The following PMM2 variants were observed in gnomAD, a reference collection of about 807,000 sequenced individuals.
The protein encoded by PMM2 is mannose-6-phosphate isomerase.
PMM2 carries 35 observed loss-of-function variants against 33.2 expected under a neutral mutation model. The ratio of observed to expected loss-of-function variants is 1.06; its 90% CI spans 0.81 to 1.40. The LOEUF is 1.40. Among genes scored for constraint, PMM2 ranks in the 40% most tolerant of loss-of-function variants. The pLI, the probability that PMM2 is intolerant of heterozygous loss-of-function variation, is 0.00. For synonymous variants in PMM2, 153 were observed against 114.7 expected, an observed-to-expected ratio of 1.33 and a Z score of -2.13; for missense variants, 386 against 306.0, an observed-to-expected ratio of 1.26 and a Z score of -1.95.
chr16:8,799,792 C>T (rs573973267), intron 1 of PMM2, among the ~76,000 whole-genome samples: 29 of 152,058 alleles, frequency 1.9e-4, no homozygotes, highest in Non-Finnish European at 3.1e-4. Flanking sequence ...GTGATCCACC[C>T]GCCTCGGCCT....
rs188796987 is a variant in PMM2 at position 8,825,642 on chromosome 16, T to A, written c.639+12536T>A. 5.9e-5 allele frequency among the ~76,000 whole-genome samples: 9 copies of A among 152,306 alleles called. No individual in the cohort carries two copies. The East Asian group carries it at 1.7e-3, about 29-fold the overall frequency. On this transcript the variant is annotated intron_variant, in intron 7 of 7. Transcript: ENST00000268261. ...GCCAAAGCTAGTTTTTAATAAAATT[T>A]TACAAACAAATGTATCCGATTTTAG...
intron 7 of PMM2, among the ~76,000 whole-genome samples, chr16:8,834,413 A>G (rs1267254475): frequency 1.3e-5 from 2 of 151,968 alleles, no homozygotes; most frequent in Non-Finnish European, 2.9e-5. Context: ...GTCTGACAGA[A>G]GGGAAGAAAT....
At chr16:8,799,357 A>G (rs1314973372) in intron 1 of PMM2, among the ~76,000 whole-genome samples, 1 of 152,162 alleles carries the variant, frequency 6.6e-6, no homozygotes, top group African/African-American at 2.4e-5. Context: ...CGTTTTAAAC[A>G]TAAGGAAACA....
intron 7 of PMM2, among the ~76,000 whole-genome samples, chr16:8,819,740 A>T (rs1420952044): frequency 9.2e-5 from 14 of 151,808 alleles, no homozygotes; most frequent in Admixed American, 9.2e-4. Flanking sequence ...TTAAAAATTG[A>T]AAAAAGGGAG....
intron 4 of PMM2, 173 bp downstream of exon 4, chr16:8,806,580 G>A (rs952001387): frequency 4.6e-5 from 29 of 637,112 alleles, no homozygotes; most frequent in East Asian, 2.2e-4. Flanking sequence ...CCTGAGAGCC[G>A]AGCTTGGAAA....
intron 3 of PMM2, among the ~76,000 whole-genome samples, chr16:8,805,142 C>T (rs764550925): frequency 1.3e-5 from 2 of 152,196 alleles, no homozygotes; most frequent in Non-Finnish European, 2.9e-5. Flanking sequence ...ACTACAACCT[C>T]CGCCTACCTC....
chr16:8,819,696 T>TAAA (rs5815501), intron 7 of PMM2, among the ~76,000 whole-genome samples: 3 of 139,994 alleles, frequency 2.1e-5, no homozygotes, highest in Non-Finnish European at 3.1e-5. Context: ...CCTCGTCTCT[T>TAAA]AAAAAAAAAA....
chr16:8,825,988 T>G (rs1235989618), intron 7 of PMM2, among the ~76,000 whole-genome samples: 2 of 152,152 alleles, frequency 1.3e-5, no homozygotes, highest in African/African-American at 4.8e-5. Flanking sequence ...ACTTCTGACC[T>G]CGTGATCTGC....
At position 8,804,841 on chromosome 16, in the gene PMM2, C is replaced by T. The variant is rs1189623251; in HGVS notation, c.253C>T (p.Gln85Ter). 6.3e-7 allele frequency: 1 copy of T among 1,595,536 alleles called. No individual in the cohort carries two copies. The highest frequency in any genetic ancestry group is 1.7e-5 in the Admixed American group (1 of 59,968). ...AYKDGKLLCR[Q>*]NIQSHLGEAL... ...CAAAGATGGGAAACTCTTGTGTAGA[C>T]AGGTAGGTTCTTGAGTATCTGAATT... The change falls in exon 3 of 8, where the codon CAG (glutamine) becomes TAG (stop). Residue 85 changes from glutamine to a stop codon, truncating the protein, a stop_gained and splice_region_variant. Transcript: ENST00000268261. LOFTEE classifies it high-confidence loss of function.
At chr16:8,836,544 T>C (rs904072466) in intron 7 of PMM2, among the ~76,000 whole-genome samples, 15 of 152,112 alleles carry the variant, frequency 9.9e-5, no homozygotes, top group African/African-American at 3.6e-4. Flanking sequence ...TGGAAGTTCT[T>C]GTGTGCTGGA....
intron 7 of PMM2, among the ~76,000 whole-genome samples, chr16:8,828,542 C>A (rs989524944): frequency 6.6e-6 from 1 of 152,262 alleles, no homozygotes; most frequent in East Asian, 1.9e-4. Flanking sequence ...CCTCTCAGAC[C>A]AGCTACCGAC....
intron 7 of PMM2, among the ~76,000 whole-genome samples, chr16:8,826,437 A>G (rs565989130): frequency 5.6e-4 from 86 of 152,332 alleles, no homozygotes; most frequent in African/African-American, 1.9e-3. Flanking sequence ...ATATGTCCCC[A>G]GGCCTTATCT....
intron 7 of PMM2, among the ~76,000 whole-genome samples, chr16:8,846,485 TC>T (rs2060926181): frequency 6.6e-6 from 1 of 151,992 alleles, no homozygotes; most frequent in East Asian, 1.9e-4. Context: ...CCTGCAGGGC[TC>T]GGGGTTGCGG....
In PMM2 at chr16:8,811,097, C is replaced by A. The variant is rs145714866; in HGVS notation, c.366C>A (p.Phe122Leu). The A allele has an allele frequency of 2.5e-6, 4 of 1,569,766 alleles. No individual in the cohort carries two copies. Among genetic ancestry groups the A allele is most frequent in the Non-Finnish European group, 3.5e-6 (4 of 1,153,506 alleles). Residue 122 changes from phenylalanine (F) to leucine (L), a missense_variant, in exon 5 of 8, where the codon TTC becomes TTA. Physicochemically the swap from Phe to Leu is conservative, Grantham distance 22. Coordinates refer to ENST00000268261, the MANE Select transcript of PMM2 (RefSeq NM_000303.3). ...TTCCCAGGGGTACTTTCATTGAATT[C>A]CGAAATGGGATGTTAAACGTGTCCC... is the stretch of plus-strand genomic sequence containing the variant. Reference protein sequence around the residue: ...LPKKRGTFIEFRNGMLNVSPI... With the variant: ...LPKKRGTFIELRNGMLNVSPI...
At chr16:8,817,561 T>C (rs1037383550) in intron 7 of PMM2, among the ~76,000 whole-genome samples, 1 of 152,260 alleles carries the variant, frequency 6.6e-6, no homozygotes, top group Admixed American at 6.5e-5. Context: ...AAATGACTTA[T>C]TTTGGGAATT....
At chr16:8,841,977 C>G (rs375906568) in intron 7 of PMM2, among the ~76,000 whole-genome samples, 1,924 of 128,014 alleles carry the variant, frequency 0.015, 31 homozygotes, top group African/African-American at 0.038. Flanking sequence ...GTGATTTTTA[C>G]GGCCTCTAAA....
At chr16:8,842,931 G>T (rs2060899464) in intron 7 of PMM2, among the ~76,000 whole-genome samples, 1 of 152,132 alleles carries the variant, frequency 6.6e-6, no homozygotes, top group Admixed American at 6.6e-5. Flanking sequence ...TCCCATATTT[G>T]TGGGTTAAGG....
chr16:8,831,608 C>A (rs543789379), intron 7 of PMM2, among the ~76,000 whole-genome samples: 2 of 152,360 alleles, frequency 1.3e-5, no homozygotes, highest in African/African-American at 4.8e-5. Context: ...ACACAGCACA[C>A]ACCCACTGCT....
intron 7 of PMM2, among the ~76,000 whole-genome samples, chr16:8,833,406 C>T (rs1031600392): frequency 9.2e-5 from 14 of 152,176 alleles, no homozygotes; most frequent in African/African-American, 3.4e-4. Flanking sequence ...TTCAGGCCAT[C>T]TGGATGTATA....
Sources: allele counts gnomAD v4.1 joint callset (sites outside exome capture counted in the v4.1 genomes callset), GRCh38; gene constraint gnomAD v4.1.1; transcripts MANE v1.5; gene names NCBI Gene and HGNC (gene_info 2026-07-23, HGNC 2026-07-21).